Variants in GPC3 observed in about 807,000 individuals in gnomAD.
GPC3 encodes glypican 3, also known as glypican-3.
In GPC3, 3 loss-of-function variants were observed where a neutral mutation model predicts 34.4. That is an observed-to-expected ratio of 0.09 (90% CI 0.04 to 0.23). GPC3 has a LOEUF of 0.23. GPC3 is among the 10% of genes least tolerant of loss of function. GPC3 has a pLI of 1.00. For synonymous variants in GPC3, 177 were observed against 174.0 expected (o/e 1.02, Z -0.13); for missense variants, 351 against 445.6 (o/e 0.79, Z 1.91).
At chrX:133,890,623 C>T (rs190847572) in intron 2 of GPC3, among the ~76,000 whole-genome samples, 6 of 109,842 alleles carry the variant, frequency 5.5e-5, no homozygotes, top group African/African-American at 1.7e-4. Flanking sequence ...TTTGAGAGGC[C>T]GACGCGGGTG....
intron 2 of GPC3, among the ~76,000 whole-genome samples, chrX:133,814,830 A>G (rs2075682087): frequency 1.8e-5 from 2 of 111,344 alleles, no homozygotes; most frequent in Admixed American, 1.9e-4. Flanking sequence ...GGCCTCCCAA[A>G]GCGCTGGGAT....
At chrX:133,673,982 T>C (rs1265394147) in intron 5 of GPC3, among the ~76,000 whole-genome samples, 2 of 111,547 alleles carry the variant, frequency 1.8e-5, no homozygotes, top group African/African-American at 6.5e-5. Context: ...TCCAGCACTT[T>C]GGGAGGCAGA....
At chrX:133,719,578 T>C (rs889998147) in intron 3 of GPC3, among the ~76,000 whole-genome samples, 17 of 110,914 alleles carry the variant, frequency 1.5e-4, no homozygotes, top group Non-Finnish European at 3.8e-5. Flanking sequence ...TGTATACATA[T>C]GTAACTAACC....
At chrX:133,808,018 C>T (rs2075645233) in intron 2 of GPC3, among the ~76,000 whole-genome samples, 1 of 112,440 alleles carries the variant, frequency 8.9e-6, no homozygotes, top group African/African-American at 3.2e-5. Context: ...GCTTCCCTGC[C>T]TCCCATGCAT....
intron 3 of GPC3, among the ~76,000 whole-genome samples, chrX:133,702,617 T>C (rs1013861771): frequency 2.7e-5 from 3 of 111,270 alleles, no homozygotes; most frequent in African/African-American, 9.8e-5. Flanking sequence ...CCCAACCTAC[T>C]GGAAAGGGGT....
chrX:133,888,169 T>C (rs769448618), intron 2 of GPC3, among the ~76,000 whole-genome samples: 1 of 110,499 alleles, frequency 9.0e-6, no homozygotes, highest in South Asian at 3.9e-4. Flanking sequence ...TGAGAACATG[T>C]GGTGTTTGGT....
chrX:133,833,987 T>G (rs2075788551), intron 2 of GPC3, among the ~76,000 whole-genome samples: 1 of 111,652 alleles, frequency 9.0e-6, no homozygotes, highest in Non-Finnish European at 1.9e-5. Flanking sequence ...TCAAAAGAAA[T>G]TCATGTATAC....
At chrX:133,938,799 C>T (rs966959172) in intron 2 of GPC3, among the ~76,000 whole-genome samples, 2 of 111,995 alleles carry the variant, frequency 1.8e-5, no homozygotes, top group East Asian at 5.6e-4. Flanking sequence ...ACATAAAAGA[C>T]TTCTGACCGC....
intron 2 of GPC3, among the ~76,000 whole-genome samples, chrX:133,803,354 C>T (rs2075619896): frequency 8.9e-6 from 1 of 112,526 alleles, no homozygotes; most frequent in African/African-American, 3.2e-5. Flanking sequence ...TTTAGACCAA[C>T]TAACATTTCC....
intron 7 of GPC3, among the ~76,000 whole-genome samples, chrX:133,594,525 A>G: frequency 8.9e-6 from 1 of 112,334 alleles, no homozygotes; most frequent in Non-Finnish European, 1.9e-5. Context: ...ACAATGGAAT[A>G]TTACTCAGTC....
At chrX:133,836,455 G>A (rs906630276) in intron 2 of GPC3, among the ~76,000 whole-genome samples, 8 of 112,222 alleles carry the variant, frequency 7.1e-5, no homozygotes, top group African/African-American at 2.6e-4. Context: ...GGGACTGGGA[G>A]TTGGCCTGAG....
intron 6 of GPC3, among the ~76,000 whole-genome samples, chrX:133,658,406 T>C (rs913962966): frequency 1.9e-4 from 21 of 112,056 alleles, no homozygotes; most frequent in Middle Eastern, 4.6e-3. Flanking sequence ...ATTTTTTTCC[T>C]AAGCAGTTAG....
intron 6 of GPC3, among the ~76,000 whole-genome samples, chrX:133,647,392 G>C (rs2070555551): frequency 8.9e-6 from 1 of 112,310 alleles, no homozygotes; most frequent in Non-Finnish European, 1.9e-5. Flanking sequence ...GTGCTAAGGT[G>C]GAGAGAAGAG....
chrX:133,858,979 G>A (rs1026701308), intron 2 of GPC3, among the ~76,000 whole-genome samples: 2 of 108,120 alleles, frequency 1.8e-5, no homozygotes, highest in African/African-American at 3.4e-5. Flanking sequence ...TATTCGGGAG[G>A]CTGAGGCAGG....
At chrX:133,801,565 T>C (rs932476200) in intron 2 of GPC3, among the ~76,000 whole-genome samples, 6 of 112,201 alleles carry the variant, frequency 5.3e-5, no homozygotes, top group Non-Finnish European at 1.1e-4. Flanking sequence ...AGTGTGTTTT[T>C]AAAAAACTGT....
chrX:133,664,583 T>C (rs1230154766), intron 5 of GPC3, among the ~76,000 whole-genome samples: 1 of 111,589 alleles, frequency 9.0e-6, no homozygotes, highest in Non-Finnish European at 1.9e-5. Flanking sequence ...GCTTCTGTAA[T>C]CTTGTTTATA....
At chrX:133,809,762 T>A (rs983352134) in intron 2 of GPC3, among the ~76,000 whole-genome samples, 1 of 111,983 alleles carries the variant, frequency 8.9e-6, no homozygotes, top group Non-Finnish European at 1.9e-5. Flanking sequence ...CATCCATATT[T>A]CCATTAGGAT....
intron 3 of GPC3, among the ~76,000 whole-genome samples, chrX:133,712,140 C>T (rs2071274990): frequency 8.9e-6 from 1 of 112,066 alleles, no homozygotes; most frequent in Non-Finnish European, 1.9e-5. Context: ...AGAAGACTTA[C>T]TTCACCAACC....
chrX:133,648,261 GTTT>G (rs11318287), intron 6 of GPC3, among the ~76,000 whole-genome samples: 7 of 82,787 alleles, frequency 8.5e-5, no homozygotes, highest in African/African-American at 2.1e-4. Context: ...ATACTATGAG[GTTT>G]TTTTTTTTTT....
Sources: allele counts gnomAD v4.1 joint callset (sites outside exome capture counted in the v4.1 genomes callset), GRCh38; gene constraint gnomAD v4.1.1; transcripts MANE v1.5; gene names NCBI Gene and HGNC (gene_info 2026-07-23, HGNC 2026-07-21).